The following SOX5 variants were observed in gnomAD, a reference collection of about 807,000 sequenced individuals.
The protein encoded by SOX5 is SRY-box transcription factor 5, also known as transcription factor SOX-5.
Under a neutral mutation model 92.0 loss-of-function variants are expected in SOX5, and 9 were observed. The ratio of observed to expected loss-of-function variants is 0.10; its 90% CI spans 0.06 to 0.17. SOX5 has a LOEUF of 0.17. Ranked by LOEUF, SOX5 falls within the 10% of genes least tolerant of loss-of-function variation. The pLI is 1.00. For synonymous variants in SOX5, 344 were observed against 336.3 expected (o/e 1.02, Z -0.25); for missense variants, 642 against 944.5 (o/e 0.68, Z 4.20).
chr12:24,351,961 C>G (rs1367528229), intron 2 of SOX5, among the ~76,000 whole-genome samples: 9 of 152,178 alleles, frequency 5.9e-5, no homozygotes, highest in Non-Finnish European at 1.5e-5. Context: ...GCTCTTTCAA[C>G]TTTGTGAAAG....
chr12:24,329,167 T>C (rs1239275667), intron 2 of SOX5, among the ~76,000 whole-genome samples: 1 of 152,228 alleles, frequency 6.6e-6, no homozygotes, highest in African/African-American at 2.4e-5. Flanking sequence ...TCCCATCTTT[T>C]TATTACAATC....
At chr12:23,791,406 A>C (rs2095472932) in intron 3 of SOX5, among the ~76,000 whole-genome samples, 1 of 152,106 alleles carries the variant, frequency 6.6e-6, no homozygotes, top group Non-Finnish European at 1.5e-5. Flanking sequence ...GGCTCAAGGG[A>C]TCCTCCTGCC....
chr12:23,999,248 T>C (rs58639882), intron 4 of SOX5, among the ~76,000 whole-genome samples: 1 of 151,644 alleles, frequency 6.6e-6, no homozygotes, highest in Non-Finnish European at 1.5e-5. Flanking sequence ...GTAGTATCTT[T>C]AAAAAAATGA....
intron 7 of SOX5, among the ~76,000 whole-genome samples, chr12:23,653,030 AGATG>A (rs377588371): frequency 0.3 from 34,281 of 115,458 alleles, 3,957 homozygotes; most frequent in South Asian, 0.35. Context: ...ATGTACAGAT[AGATG>A]GATGGATGGA....
chr12:23,657,134 G>GAAA (rs10639152), intron 7 of SOX5, among the ~76,000 whole-genome samples: 111,259 of 151,580 alleles, frequency 0.73, 41,567 homozygotes, highest in African/African-American at 0.89. Flanking sequence ...TTGTTGGAAT[G>GAAA]TGGAAATGGA....
intron 1 of SOX5, among the ~76,000 whole-genome samples, chr12:24,518,529 C>T (rs1949994042): frequency 6.6e-6 from 1 of 152,104 alleles, no homozygotes; most frequent in Admixed American, 6.5e-5. Flanking sequence ...ACTTATATCT[C>T]AGCCAAATAT....
intron 2 of SOX5, 111 bp from the exon 3 acceptor site, chr12:23,846,304 T>A: frequency 3.5e-6 from 3 of 851,754 alleles, no homozygotes; most frequent in Non-Finnish European, 5.6e-6. Flanking sequence ...TTGTTTAAAA[T>A]TCAGTAACTT....
chr12:23,901,076 T>C (rs1595498102), intron 1 of SOX5, among the ~76,000 whole-genome samples: 2 of 152,324 alleles, frequency 1.3e-5, no homozygotes, highest in South Asian at 4.1e-4. Context: ...TTAAATTAAG[T>C]ATTTTGAAAT....
At chr12:23,950,258 ACACG>A (rs1302440335), upstream of SOX5, among the ~76,000 whole-genome samples, 1 of 140,220 alleles carries the variant, frequency 7.1e-6, no homozygotes, top group Non-Finnish European at 1.6e-5. Flanking sequence ...ACACGGAAAT[ACACG>A]CACACACACA....
At chr12:23,940,703 C>T (rs1943461430) in intron 1 of SOX5, among the ~76,000 whole-genome samples, 1 of 147,716 alleles carries the variant, frequency 6.8e-6, no homozygotes, top group Non-Finnish European at 1.5e-5. Flanking sequence ...TAAATCTTAA[C>T]CTAGAAGAGG....
At chr12:23,616,745 A>C (rs2076601433) in intron 8 of SOX5, among the ~76,000 whole-genome samples, 1 of 152,148 alleles carries the variant, frequency 6.6e-6, no homozygotes, top group Admixed American at 6.6e-5. Flanking sequence ...TGGGTGTATA[A>C]GGGTTTGAAT....
chr12:23,994,582 G>A (rs1290821185), intron 4 of SOX5, among the ~76,000 whole-genome samples: 2 of 151,990 alleles, frequency 1.3e-5, no homozygotes, highest in African/African-American at 2.4e-5. Context: ...CCGTAATTTT[G>A]CCCTAACTTC....
rs187574313 is a variant in SOX5, at chr12:24,152,308, C to A, written c.-2+61035G>T. Among the ~76,000 whole-genome samples the A allele has an allele frequency of 3.9e-5, 6 of 152,226 alleles. No individual in the cohort carries two copies. In the East Asian group the frequency reaches 1.2e-3, roughly 29 times the overall value. Reference sequence around the variant, plus strand: ...TAAAGAGGTATTTTGTCTGTGTATTCCCAATCCAGCATGACTTTCATGAAC... The same window carrying A: ...TAAAGAGGTATTTTGTCTGTGTATTACCAATCCAGCATGACTTTCATGAAC... On this transcript the variant is annotated intron_variant, in intron 4 of 4. Transcript: ENST00000446891.
At chr12:23,838,985 G>T (rs1218400816) in intron 3 of SOX5, among the ~76,000 whole-genome samples, 1 of 150,732 alleles carries the variant, frequency 6.6e-6, no homozygotes, top group Non-Finnish European at 1.5e-5. Flanking sequence ...GATTACAGGT[G>T]CCCACCACCA....
intron 4 of SOX5, among the ~76,000 whole-genome samples, chr12:24,200,308 C>T (rs1957392954): frequency 6.6e-6 from 1 of 152,274 alleles, no homozygotes; most frequent in East Asian, 1.9e-4. Context: ...TTAGCCAGCT[C>T]TTAGAGTCCT....
intron 7 of SOX5, among the ~76,000 whole-genome samples, chr12:23,661,964 A>AT (rs1382647341): frequency 2.6e-5 from 4 of 152,310 alleles, no homozygotes; most frequent in Non-Finnish European, 5.9e-5. Flanking sequence ...GTGTTTACGT[A>AT]TAACAGCTAA....
intron 1 of SOX5, among the ~76,000 whole-genome samples, chr12:24,552,204 C>T (rs188045929): frequency 1.3e-3 from 197 of 152,180 alleles, no homozygotes; most frequent in Non-Finnish European, 2.3e-3. Context: ...ACTCCTAAAA[C>T]CACATTATCA....
chr12:24,390,843 G>A (rs529494722), intron 1 of SOX5, among the ~76,000 whole-genome samples: 1 of 152,160 alleles, frequency 6.6e-6, no homozygotes, highest in African/African-American at 2.4e-5. Context: ...TGGACACTTA[G>A]GCTGATTCTA....
chr12:24,159,718 G>A (rs768312470), intron 4 of SOX5, among the ~76,000 whole-genome samples: 1 of 151,882 alleles, frequency 6.6e-6, no homozygotes, highest in Non-Finnish European at 1.5e-5. Flanking sequence ...AATATTCTGG[G>A]ATCAGTATCA....
Sources: allele counts gnomAD v4.1 joint callset (sites outside exome capture counted in the v4.1 genomes callset), GRCh38; gene constraint gnomAD v4.1.1; transcripts MANE v1.5; gene names NCBI Gene and HGNC (gene_info 2026-07-23, HGNC 2026-07-21).